KRT27: variants seen among roughly 807,000 people sequenced by gnomAD.
KRT27 encodes keratin, type I cytoskeletal 27.
Under a neutral mutation model 45.3 loss-of-function variants are expected in KRT27, and 30 were observed. The ratio of observed to expected loss-of-function variants is 0.66; its 90% CI spans 0.50 to 0.90. The LOEUF (loss-of-function observed/expected upper bound fraction) is 0.90, where lower values mean the gene tolerates loss of function less well. Among genes scored for constraint, KRT27 ranks in the 40% least tolerant of loss-of-function variants. KRT27 has a pLI of 0.00. For synonymous variants in KRT27, 204 were observed against 223.9 expected (o/e 0.91, Z 0.79); for missense variants, 610 against 564.3 (o/e 1.08, Z -0.82).
chr17:40,780,824 G>T (rs1463797513), intron 2 of KRT27, among the ~76,000 whole-genome samples: 1 of 152,118 alleles, frequency 6.6e-6, no homozygotes, highest in South Asian at 2.1e-4. Flanking sequence ...ACTCCAGCCT[G>T]GGCGACAGAG....
intron 5 of KRT27, among the ~76,000 whole-genome samples, chr17:40,778,710 T>A (rs2038284569): frequency 1.3e-5 from 2 of 152,340 alleles, no homozygotes; most frequent in South Asian, 4.1e-4. Flanking sequence ...ATGCCTCGAC[T>A]TTTCCTCTGT....
chr17:40,777,840 T>C, intron 5 of KRT27, 108 bp from the exon 6 acceptor site: 1 of 1,113,974 alleles, frequency 9.0e-7, no homozygotes, highest in South Asian at 1.5e-5. Context: ...ATGCAAATAA[T>C]TATATTTACC....
Position 40,782,468 on chromosome 17 carries a change from G to T in KRT27, c.26C>A (p.Ser9Tyr), listed in dbSNP as rs769232730. ...GCCCCCGCAAGAGCCAAGTCTCCTG[G>T]AGGTAGAAGAAAAGCGCACAGACAT... MSVRFSST[S>Y]RRLGSCGGTG... Residue 9 changes from serine (S) to tyrosine (Y), a missense_variant, in exon 1 of 8, where the codon TCC becomes TAC. Ser to Tyr is a moderately radical substitution (Grantham distance 144, BLOSUM62 -2). Transcript: ENST00000301656. The T allele has an allele frequency of 4.4e-6, 7 of 1,588,786 alleles. No individual in the cohort carries two copies. The Admixed American group carries it at 1.1e-4, about 24-fold the overall frequency.
intron 6 of KRT27, 53 bp downstream of exon 6, chr17:40,777,462 C>A: frequency 1.9e-6 from 3 of 1,594,036 alleles, no homozygotes; most frequent in South Asian, 1.1e-5. Flanking sequence ...GATTTCAAAT[C>A]ATCTTTAGTA....
chr17:40,781,156 T>G lies in KRT27; in HGVS notation c.527+32A>C, dbSNP rs1022611566. ...AAGGAGAAAAAATGCTTAGACAACT[T>G]TTTTTTCCCATTTATCTTCAGCTCT... On this transcript the variant is annotated intron_variant, in intron 2 of 7. Coordinates refer to ENST00000301656, the MANE Select transcript of KRT27 (RefSeq NM_181537.4). 7.6e-6 allele frequency: 11 copies of G among 1,448,856 alleles called. No individual in the cohort carries two copies. In the African/African-American group the frequency reaches 1.6e-4, roughly 20 times the overall value. The allele number at this position is 1,448,856 out of a possible 1,614,324, so 89.8% of individuals were successfully genotyped here.
Position 40,779,665 on chromosome 17 carries a change from A to G in KRT27, c.846+35T>C, listed in dbSNP as rs375700902. 158 of 1,613,366 alleles carry G rather than the reference A, an allele frequency of 9.8e-5. No homozygotes were observed. The African/African-American group carries it at 1.7e-3, about 17-fold the overall frequency. Reference sequence around the variant, plus strand: ...GGGCCGCGTTAGGGCGCTGGGGCTGAGTCCGCGCCCGGGCGCACCCAAGCG... The same window carrying G: ...GGGCCGCGTTAGGGCGCTGGGGCTGGGTCCGCGCCCGGGCGCACCCAAGCG... On this transcript the variant is annotated intron_variant, in intron 4 of 7. Coordinates refer to ENST00000301656, the MANE Select transcript of KRT27 (RefSeq NM_181537.4).
chr17:40,779,802 G>T lies in KRT27; in HGVS notation c.744C>A (p.Ala248=), dbSNP rs1368886889. 1 of 1,614,126 alleles carries T rather than the reference G, an allele frequency of 6.2e-7. No homozygotes were observed. Among genetic ancestry groups the T allele is most frequent in the Non-Finnish European group, 8.5e-7 (1 of 1,180,038 alleles). Residue 248 remains alanine (A), a synonymous_variant, in exon 4 of 8, where the codon GCC becomes GCA. Transcript: ENST00000301656. ...GCAGAACCGTGAGGTCTACCCCGGG[G>T]GCCGCGTTCATCTCCACGTTCACGT... is the stretch of plus-strand genomic sequence containing the variant. ...GGNVNVEMNA[A]PGVDLTVLLN...
Position 40,782,414 on chromosome 17 carries a change from C to G in KRT27, c.80G>C (p.Gly27Ala). 6.2e-7 allele frequency: 1 copy of G among 1,612,972 alleles called. No individual in the cohort carries two copies. Among genetic ancestry groups the G allele is most frequent in the Non-Finnish European group, 8.5e-7 (1 of 1,179,454 alleles). Residue 27 changes from glycine to alanine, a missense_variant, in exon 1 of 8, where the codon GGA becomes GCA. Transcript: ENST00000301656. ...GTGSVRLSSG[G>A]AGFGAGNTCG... is the part of the protein sequence containing the mutation. Reference sequence around the variant, plus strand: ...TGTGTTTCCAGCCCCAAAGCCTGCTCCCCCACTAGAGAGCCTCACAGAGCC... The same window carrying G: ...TGTGTTTCCAGCCCCAAAGCCTGCTGCCCCACTAGAGAGCCTCACAGAGCC...
chr17:40,777,512 G>T lies in KRT27; in HGVS notation c.1190+3C>A. The T allele has an allele frequency of 1.9e-6, 3 of 1,613,692 alleles. No individual in the cohort carries two copies. Among genetic ancestry groups the T allele is most frequent in the South Asian group, 1.1e-5 (1 of 91,032 alleles). ...TTGTTTTCTCAATGGCGGCAATACT[G>T]ACCCATCTTCTCCATCTATCAGGAG... On this transcript the variant is annotated splice_donor_region_variant and intron_variant, in intron 6 of 7. Transcript: ENST00000301656.
In KRT27 at chr17:40,777,202, T is replaced by C. The variant is rs546050273; in HGVS notation, c.1240+51A>G. On this transcript the variant is annotated intron_variant, in intron 7 of 7. Transcript: ENST00000301656. ...TTCATAAATAGGAAATAAAACATCA[T>C]TTGAAACACATACAAATAAACACTG... 1.3e-5 allele frequency: 21 copies of C among 1,610,966 alleles called. No homozygotes were observed. In the Admixed American group the frequency reaches 1.8e-4, roughly 14 times the overall value.
chr17:40,777,787 G>A (rs2144157469), intron 5 of KRT27, 55 bp from the exon 6 acceptor site: 3 of 1,540,854 alleles, frequency 1.9e-6, no homozygotes, highest in Non-Finnish European at 2.7e-6. Context: ...TTTAGAATAA[G>A]CCAAAGCATT....
Position 40,777,546 on chromosome 17 carries a change from T to A in KRT27, c.1159A>T (p.Thr387Ser). 1 of 1,613,912 alleles carries A rather than the reference T, an allele frequency of 6.2e-7. No individual in the cohort carries two copies. Among genetic ancestry groups the A allele is most frequent in the Non-Finnish European group, 8.5e-7 (1 of 1,179,856 alleles). The change falls in exon 6 of 8, where the codon ACC becomes TCC. Residue 387 changes from threonine (T) to serine (S), a missense_variant. Transcript: ENST00000301656. ...IKVHLEKEIE[T>S]YCLLIDGEDG... ...TCTCCATCTATCAGGAGGCAGTAGGTCTCAATTTCTTTTTCCAGGTGGACC... is the reference window on the plus strand; with the variant it reads ...TCTCCATCTATCAGGAGGCAGTAGGACTCAATTTCTTTTTCCAGGTGGACC...
At chr17:40,779,388 G>T (rs1407612166) in intron 5 of KRT27, 114 bp downstream of exon 5, 15 of 1,297,344 alleles carry the variant, frequency 1.2e-5, no homozygotes, top group Non-Finnish European at 1.6e-5. Context: ...CTTATGTCAA[G>T]CACTGTAATT....
Position 40,777,143 on chromosome 17 carries a change from A to G in KRT27, c.1241-5T>C, listed in dbSNP as rs776101861. On this transcript the variant is annotated splice_region_variant and splice_polypyrimidine_tract_variant and intron_variant, in intron 7 of 7. Transcript: ENST00000301656. The stretch of plus-strand genomic sequence containing the variant: ...CAATGGTGGTTTTAGATGAATCTAA[A>G]ATGCCACATATAAACTGTTTAGAAT... 2.5e-6 allele frequency: 4 copies of G among 1,613,350 alleles called. No homozygotes were observed. The South Asian group carries it at 4.4e-5, about 18-fold the overall frequency.
At chr17:40,777,943 C>G in intron 5 of KRT27, 1 of 585,990 alleles carries the variant, frequency 1.7e-6, no homozygotes, top group Non-Finnish European at 3.0e-6. Flanking sequence ...TGCTGAATGT[C>G]CCTCAGATGC....
At chr17:40,780,762 T>C (rs932313237) in intron 2 of KRT27, among the ~76,000 whole-genome samples, 1 of 152,122 alleles carries the variant, frequency 6.6e-6, no homozygotes, top group Admixed American at 6.5e-5. Flanking sequence ...GGCGGGAGAA[T>C]GGCGTGAACC....
rs534019856 is a variant in KRT27, at chr17:40,778,350, C to T, written c.973-618G>A. Among the ~76,000 whole-genome samples the T allele has an allele frequency of 8.9e-4, 136 of 152,326 alleles. 1 individual carries two copies. Among genetic ancestry groups the T allele is most frequent in the African/African-American group, 3.2e-3 (134 of 41,558 alleles). On this transcript the variant is annotated intron_variant, in intron 5 of 7. Coordinates refer to ENST00000301656, the MANE Select transcript of KRT27 (RefSeq NM_181537.4). ...AGATGAGAGTGTCTTATCCTTTCAC[C>T]TGCAAGTATTTTTTATATAAAGTCT... is the stretch of plus-strand genomic sequence containing the variant.
intron 1 of KRT27, 101 bp from the exon 2 acceptor site, chr17:40,781,371 C>T (rs910528500): frequency 7.2e-6 from 5 of 697,148 alleles, no homozygotes; most frequent in African/African-American, 7.1e-5. Context: ...ATATTTCTGG[C>T]ATCTGTCTCT....
In KRT27 at chr17:40,779,839, G is replaced by A. The variant is rs1398948972; in HGVS notation, c.707C>T (p.Ala236Val). The A allele has an allele frequency of 1.9e-6, 3 of 1,609,992 alleles. No individual in the cohort carries two copies. The highest frequency in any genetic ancestry group is 1.7e-6 in the Non-Finnish European group (2 of 1,178,982). ...CTCCACGTTCACGTTGCCTCCAGCCGCGCACTGAAGAGCTTTCATTTCCTG... is the reference window on the plus strand; with the variant it reads ...CTCCACGTTCACGTTGCCTCCAGCCACGCACTGAAGAGCTTTCATTTCCTG... The part of the protein sequence containing the change: ...HEEEMKALQC[A>V]AGGNVNVEMN... The change falls in exon 4 of 8, where the codon GCG becomes GTG. Residue 236 changes from alanine (A) to valine (V), a missense_variant. By Grantham distance (64) the Ala-to-Val change is moderately conservative. Coordinates refer to ENST00000301656, the MANE Select transcript of KRT27 (RefSeq NM_181537.4).
Sources: gnomAD v4.1 joint callset for allele counts (sites outside exome capture counted in the v4.1 genomes callset) on GRCh38, gnomAD v4.1.1 for gene constraint, MANE v1.5 for transcripts, NCBI Gene and HGNC (gene_info 2026-07-23, HGNC 2026-07-21) for gene names.